Variants in RABL2B observed in about 807,000 individuals in gnomAD.
RABL2B encodes the protein RAB, member of RAS oncogene family like 2B.
Under a neutral mutation model 26.7 loss-of-function variants are expected in RABL2B, and 17 were observed. The ratio of observed to expected loss-of-function variants is 0.64; its 90% CI spans 0.44 to 0.95. The LOEUF (loss-of-function observed/expected upper bound fraction) is 0.95. Among genes scored for constraint, RABL2B ranks in the 40% least tolerant of loss-of-function variants. The pLI is 0.00. For synonymous variants in RABL2B, 70 were observed against 103.9 expected (o/e 0.67, Z 1.99); for missense variants, 170 against 277.2 (o/e 0.61, Z 2.75).
intron 2 of RABL2B, among the ~76,000 whole-genome samples, chr22:50,781,314 A>G (rs1189563404): frequency 5.4e-5 from 8 of 149,106 alleles, no homozygotes; most frequent in Non-Finnish European, 1.0e-4. Flanking sequence ...ACTGCACTCC[A>G]GCCTGGGGGA....
chr22:50,783,413 G>C (rs1230248803), intron 1 of RABL2B, 88 bp downstream of exon 1: 2 of 152,218 alleles, frequency 1.3e-5, no homozygotes, highest in African/African-American at 4.8e-5. Flanking sequence ...CCCCCGACCC[G>C]GACGCCCTCT....
At chr22:50,779,253 CT>C (rs1232194426) in intron 2 of RABL2B, among the ~76,000 whole-genome samples, 1 of 151,836 alleles carries the variant, frequency 6.6e-6, no homozygotes, top group Admixed American at 6.6e-5. Context: ...TCCCAACATT[CT>C]GCAGCTTAGC....
intron 1 of RABL2B, 116 bp from the exon 2 acceptor site, chr22:50,782,463 A>G (rs2086045769): frequency 2.7e-6 from 4 of 1,467,112 alleles, no homozygotes; most frequent in South Asian, 2.6e-5. Flanking sequence ...TATGGTATGC[A>G]ATTGACTACT....
chr22:50,780,188 C>T (rs1379551973), intron 2 of RABL2B, among the ~76,000 whole-genome samples: 1 of 151,354 alleles, frequency 6.6e-6, no homozygotes, highest in Non-Finnish European at 1.5e-5. Context: ...TCAGAGCCCT[C>T]CAACAGAGCC....
At position 50,770,138 on chromosome 22, in the gene RABL2B, C is replaced by A. The variant is rs2083923014; in HGVS notation, c.298-122G>T. 8 of 1,542,100 alleles carry A rather than the reference C, an allele frequency of 5.2e-6. No individual in the cohort carries two copies. In the South Asian group the frequency reaches 9.5e-5, roughly 18 times the overall value. ...ACATGGTGCTGTTTGTGGGAACGCT[C>A]TGAATTGCAGCCTCTCTGACCGCAG... On this transcript the variant is annotated intron_variant, in intron 5 of 8. Coordinates refer to ENST00000691320, the MANE Select transcript of RABL2B (RefSeq NM_001130919.3).
At position 50,768,251 on chromosome 22, in the gene RABL2B, G is replaced by C. The variant is rs2083661159; in HGVS notation, c.*525C>G. 4.7e-6 allele frequency: 1 copy of C among 213,782 alleles called. No individual in the cohort carries two copies. Among genetic ancestry groups the C allele is most frequent in the African/African-American group, 2.4e-5 (1 of 41,984 alleles). 13.2% of individuals were successfully genotyped at this position (213,782 alleles called of 1,614,324 possible). ...GAGACTCCGTCTCAGAACGAACAAA[G>C]AAACAAACAAACCAGATGACTGGGA... On this transcript the variant is annotated 3_prime_UTR_variant, in exon 9 of 9. Transcript: ENST00000691320.
At chr22:50,777,905 T>A (rs1418048634) in intron 3 of RABL2B, 47 bp downstream of exon 3, 29 of 1,613,904 alleles carry the variant, frequency 1.8e-5, no homozygotes, top group Non-Finnish European at 2.5e-5. Flanking sequence ...TACATGAGCG[T>A]GGGAAGACCC....
Position 50,782,356 on chromosome 22 carries a change from G to A in RABL2B, c.-53-9C>T. The stretch of plus-strand genomic sequence containing the variant: ...AGGGGAGGGTATTGTCACTGTCTGG[G>A]AAGATCAACAAGAGGCTGTTGTCAG... On this transcript the variant is annotated splice_polypyrimidine_tract_variant and intron_variant, in intron 1 of 8. Transcript: ENST00000691320. The A allele has an allele frequency of 3.4e-6, 4 of 1,160,330 alleles. No individual in the cohort carries two copies. The highest frequency in any genetic ancestry group is 4.8e-6 in the Non-Finnish European group (4 of 825,392). The allele number at this position is 1,160,330 out of a possible 1,614,324, so 71.9% of individuals were successfully genotyped here. A position where few individuals can be genotyped will look rare whatever the true frequency, so the allele number is the denominator to read the frequency against.
In RABL2B at chr22:50,775,828, C is replaced by G; in HGVS notation, c.241G>C (p.Glu81Gln). ...LVDFWDTAGQ[E>Q]RFQSMHASYY... ...GAGGCATGCATGCTCTGGAACCGCT[C>G]CTGGCCTGCCGTGTCCCAAAAGTCT... Residue 81 changes from glutamate to glutamine, a missense_variant, in exon 5 of 9, where the codon GAG becomes CAG. By Grantham distance (29) the Glu-to-Gln change is conservative. Around this residue, in one of 2 missense-constraint regions of RABL2B, gnomAD observed 165 missense variants for 232.0 expected, o/e 0.71. Coordinates refer to ENST00000691320, the MANE Select transcript of RABL2B (RefSeq NM_001130919.3). 1 of 1,614,196 alleles carries G rather than the reference C, an allele frequency of 6.2e-7. No individual in the cohort carries two copies. The highest frequency in any genetic ancestry group is 8.5e-7 in the Non-Finnish European group (1 of 1,180,032).
chr22:50,775,914 C>T, intron 4 of RABL2B, 63 bp from the exon 5 acceptor site: 2 of 1,610,494 alleles, frequency 1.2e-6, no homozygotes, highest in Non-Finnish European at 1.7e-6. Flanking sequence ...CACTAAGATA[C>T]AACACACATG....
At chr22:50,780,568 C>T (rs1603451344) in intron 2 of RABL2B, 1 of 407,972 alleles carries the variant, frequency 2.5e-6, no homozygotes, top group Admixed American at 3.1e-5. Context: ...GGCAGTAATT[C>T]TTGAGTCCAG....
intron 2 of RABL2B, chr22:50,780,480 A>T: frequency 6.9e-6 from 2 of 289,602 alleles, no homozygotes; most frequent in Non-Finnish European, 1.4e-5. Flanking sequence ...AGCTCACCAC[A>T]GCCTGGATGT....
chr22:50,781,619 G>A (rs1432678145), intron 2 of RABL2B, among the ~76,000 whole-genome samples: 3 of 152,142 alleles, frequency 2.0e-5, no homozygotes, highest in African/African-American at 4.8e-5. Flanking sequence ...AGGCAGAAAT[G>A]GACATGTGCC....
intron 2 of RABL2B, among the ~76,000 whole-genome samples, chr22:50,779,947 C>T (rs2085543538): frequency 6.6e-6 from 1 of 152,180 alleles, no homozygotes; most frequent in South Asian, 2.1e-4. Context: ...CCCCACTGTA[C>T]TGCAGCCTGG....
At position 50,777,900 on chromosome 22, in the gene RABL2B, G is replaced by A. The variant is rs189840220; in HGVS notation, c.137+52C>T. On this transcript the variant is annotated intron_variant, in intron 3 of 8. Coordinates refer to ENST00000691320, the MANE Select transcript of RABL2B (RefSeq NM_001130919.3). ...TGTGGGCAGTGGGACACTGATACATGAGCGTGGGAAGACCCACAGGAACAA... is the reference window on the plus strand; with the variant it reads ...TGTGGGCAGTGGGACACTGATACATAAGCGTGGGAAGACCCACAGGAACAA... 813 of 1,613,494 alleles carry A rather than the reference G, an allele frequency of 5.0e-4. 6 individuals carry two copies. In the African/African-American group the frequency reaches 8.3e-3, roughly 17 times the overall value.
Position 50,768,826 on chromosome 22 carries a change from T to C in RABL2B, c.640A>G (p.Ser214Gly). 1.9e-6 allele frequency: 3 copies of C among 1,613,666 alleles called. No individual in the cohort carries two copies. Among genetic ancestry groups the C allele is most frequent in the South Asian group, 1.1e-5 (1 of 91,044 alleles). Reference protein sequence around the residue: ...EEEDVPDQEQSSSIETPSEEA... With the variant: ...EEEDVPDQEQGSSIETPSEEA... ...TCTGATGGGGTCTCGATGCTGCTGC[T>C]CTGTTCCTGGTCTGGCACGTCCTCC... Residue 214 changes from serine to glycine, a missense_variant, in exon 9 of 9, where the codon AGC becomes GGC. By Grantham distance (56) the Ser-to-Gly change is moderately conservative (BLOSUM62 0). Transcript: ENST00000691320.
chr22:50,777,721 C>A (rs373165495), intron 3 of RABL2B: 80,119 of 636,106 alleles, frequency 0.13, 5,628 homozygotes, highest in African/African-American at 0.23. Context: ...TTCTACTGCC[C>A]TCTTAATATA....
At position 50,769,567 on chromosome 22, in the gene RABL2B, T is replaced by C. The variant is rs781852163; in HGVS notation, c.410-15A>G. The C allele has an allele frequency of 2.5e-6, 4 of 1,609,728 alleles. No homozygotes were observed. The highest frequency in any genetic ancestry group is 1.4e-5 in the African/African-American group (1 of 71,522). ...GTTTATGTCTGCTGTAGAGAGAAGG[T>C]AGGACATTGGTCTGTCTGTCAAGGG... On this transcript the variant is annotated splice_polypyrimidine_tract_variant and intron_variant, in intron 6 of 8. Transcript: ENST00000691320.
rs1423152340 is a variant in RABL2B, at chr22:50,768,703, C to G, written c.*73G>C. 6.7e-7 allele frequency: 1 copy of G among 1,501,666 alleles called. No homozygotes were observed. Among genetic ancestry groups the G allele is most frequent in the African/African-American group, 1.4e-5 (1 of 71,346 alleles). 93.0% of individuals were successfully genotyped at this position (1,501,666 alleles called of 1,614,324 possible). A position where few individuals can be genotyped will look rare whatever the true frequency, so the allele number is the denominator to read the frequency against. On this transcript the variant is annotated 3_prime_UTR_variant, in exon 9 of 9. Coordinates refer to ENST00000691320, the MANE Select transcript of RABL2B (RefSeq NM_001130919.3). ...AGAGGGGATGGCCTAGAGAGTTTCTCCATTCAGAGCTGGAGAGTTGTTGAA... is the reference window on the plus strand; with the variant it reads ...AGAGGGGATGGCCTAGAGAGTTTCTGCATTCAGAGCTGGAGAGTTGTTGAA...
Sources: allele counts gnomAD v4.1 joint callset (sites outside exome capture counted in the v4.1 genomes callset), GRCh38; gene constraint gnomAD v4.1.1; regional missense constraint gnomAD v4.1.1; transcripts MANE v1.5; gene names NCBI Gene and HGNC (gene_info 2026-07-23, HGNC 2026-07-21).